SLC25A13: variants seen among roughly 807,000 people sequenced by gnomAD.
SLC25A13 encodes electrogenic aspartate/glutamate antiporter SLC25A13, mitochondrial.
A neutral mutation model predicts 85.5 loss-of-function variants in SLC25A13; 70 were observed. The ratio of observed to expected loss-of-function variants is 0.82; its 90% CI spans 0.68 to 1.00. The LOEUF (loss-of-function observed/expected upper bound fraction) is 1.00, where lower values mean the gene tolerates loss of function less well. Among genes scored for constraint, SLC25A13 ranks in the 50% least tolerant of loss-of-function variants. The pLI, the probability that SLC25A13 is intolerant of heterozygous loss-of-function variation, is 0.00. For missense variants in SLC25A13, 765 were observed against 819.8 expected (o/e 0.93, Z 0.82); for synonymous variants, 259 against 288.7 (o/e 0.90, Z 1.04).
At chr7:96,242,058 A>G (rs537322918) in intron 3 of SLC25A13, among the ~76,000 whole-genome samples, 1 of 152,364 alleles carries the variant, frequency 6.6e-6, no homozygotes, top group South Asian at 2.1e-4. Context: ...ATGTACCATC[A>G]AAATCCAATT....
intron 4 of SLC25A13, among the ~76,000 whole-genome samples, chr7:96,225,543 AAAGAAAGAAACC>A (rs1200701053): frequency 6.6e-6 from 1 of 151,768 alleles, no homozygotes; most frequent in East Asian, 1.9e-4. Context: ...GAAAAAAAAA[AAAGAAAGAAACC>A]AAGAAAGAAA....
Position 96,192,133 on chromosome 7 carries a change from AG to A in SLC25A13, c.616-887del, listed in dbSNP as rs141409232. Among the ~76,000 whole-genome samples, 573 of 152,204 alleles carry A rather than the reference AG, an allele frequency of 3.8e-3. 21 individuals are homozygous for A. The East Asian group carries it at 0.054, about 14-fold the overall frequency. On this transcript the variant is annotated intron_variant, in intron 6 of 17. Coordinates refer to ENST00000265631, the MANE Select transcript of SLC25A13 (RefSeq NM_014251.3). ...TAGATTAACACAGTGCCAGAATGGA[AG>A]AGGCCTCGTTGGAATACCATGTCTC...
At chr7:96,261,944 C>G (rs527249884) in intron 3 of SLC25A13, among the ~76,000 whole-genome samples, 1 of 152,176 alleles carries the variant, frequency 6.6e-6, no homozygotes, top group African/African-American at 2.4e-5. Flanking sequence ...AAAGAACCCA[C>G]TCCCACATAC....
chr7:96,234,148 G>C (rs1352135942), intron 4 of SLC25A13, among the ~76,000 whole-genome samples: 1 of 152,152 alleles, frequency 6.6e-6, no homozygotes, highest in African/African-American at 2.4e-5. Flanking sequence ...ACTTACCACT[G>C]TCCCACCACT....
intron 1 of SLC25A13, among the ~76,000 whole-genome samples, chr7:96,319,484 G>C (rs1173762710): frequency 7.0e-6 from 1 of 143,756 alleles, no homozygotes; most frequent in Admixed American, 7.2e-5. Context: ...AGAGGTTACA[G>C]TGAGGCAAGA....
chr7:96,157,462 CTT>C (rs1793327200), intron 13 of SLC25A13, among the ~76,000 whole-genome samples: 2 of 152,144 alleles, frequency 1.3e-5, no homozygotes, highest in Non-Finnish European at 2.9e-5. Context: ...ATTGTTGACA[CTT>C]CTGGTTTGGC....
chr7:96,187,411 T>C (rs1197564334), intron 9 of SLC25A13, among the ~76,000 whole-genome samples: 3 of 152,260 alleles, frequency 2.0e-5, no homozygotes, highest in Non-Finnish European at 4.4e-5. Flanking sequence ...AATATGCCTC[T>C]TTAAGATACA....
chr7:96,276,205 A>T (rs1027738034), intron 3 of SLC25A13, among the ~76,000 whole-genome samples: 8 of 152,226 alleles, frequency 5.3e-5, no homozygotes, highest in Admixed American at 1.3e-4. Context: ...GTTCTTGTAC[A>T]TTATACTTTG....
At chr7:96,210,763 T>C (rs548930347) in intron 4 of SLC25A13, among the ~76,000 whole-genome samples, 107 of 152,196 alleles carry the variant, frequency 7.0e-4, no homozygotes, top group Non-Finnish European at 1.4e-3. Context: ...ATGATAAAGA[T>C]GTGACCAAAA....
At chr7:96,232,753 A>G (rs987681469) in intron 4 of SLC25A13, among the ~76,000 whole-genome samples, 1 of 151,886 alleles carries the variant, frequency 6.6e-6, no homozygotes, top group Admixed American at 6.6e-5. Flanking sequence ...CCTTTTATGC[A>G]GTGAATCTTT....
At chr7:96,173,779 C>T (rs902607202) in intron 11 of SLC25A13, among the ~76,000 whole-genome samples, 3 of 152,106 alleles carry the variant, frequency 2.0e-5, no homozygotes, top group South Asian at 4.1e-4. Flanking sequence ...AGGGCCACAG[C>T]TGACTGGACA....
At chr7:96,317,805 A>G (rs546746685) in intron 1 of SLC25A13, among the ~76,000 whole-genome samples, 11 of 144,250 alleles carry the variant, frequency 7.6e-5, no homozygotes, top group African/African-American at 2.6e-4. Context: ...ATTTTACTTT[A>G]TTTTATTTTT....
chr7:96,243,858 G>A (rs4236532), intron 3 of SLC25A13, among the ~76,000 whole-genome samples: 149,773 of 152,244 alleles, frequency 0.98, 73,710 homozygotes, highest in Middle Eastern at 1. Context: ...GAGGATGAGG[G>A]AGGTGCCGGG....
At chr7:96,269,749 A>G (rs1299161388) in intron 3 of SLC25A13, among the ~76,000 whole-genome samples, 1 of 152,232 alleles carries the variant, frequency 6.6e-6, no homozygotes, top group Non-Finnish European at 1.5e-5. Context: ...AGAAAATGTG[A>G]TACATGCACA....
intron 3 of SLC25A13, among the ~76,000 whole-genome samples, chr7:96,271,046 T>G (rs559503641): frequency 6.6e-6 from 1 of 152,290 alleles, no homozygotes; most frequent in African/African-American, 2.4e-5. Context: ...CAGAGTAATA[T>G]CTTCATCTCA....
intron 4 of SLC25A13, among the ~76,000 whole-genome samples, chr7:96,225,357 C>A (rs1047201604): frequency 2.6e-5 from 4 of 151,980 alleles, no homozygotes; most frequent in Non-Finnish European, 5.9e-5. Context: ...TTAGTCTGGG[C>A]AACATAGTTA....
chr7:96,180,079 G>C (rs1397706830), intron 11 of SLC25A13, among the ~76,000 whole-genome samples: 1 of 152,080 alleles, frequency 6.6e-6, no homozygotes, highest in Non-Finnish European at 1.5e-5. Flanking sequence ...AACATTCCAG[G>C]ATGGAAGATG....
intron 3 of SLC25A13, among the ~76,000 whole-genome samples, chr7:96,264,042 C>A (rs1057060519): frequency 1.3e-5 from 2 of 152,118 alleles, no homozygotes; most frequent in Non-Finnish European, 2.9e-5. Context: ...TTGCTCCTTG[C>A]CCAGACTAAA....
intron 6 of SLC25A13, 127 bp downstream of exon 6, chr7:96,192,910 G>T: frequency 1.9e-6 from 2 of 1,040,418 alleles, no homozygotes; most frequent in Non-Finnish European, 2.9e-6. Context: ...GTTTAGTAAT[G>T]TATGTGATCA....
Sources: allele counts gnomAD v4.1 joint callset (sites outside exome capture counted in the v4.1 genomes callset), GRCh38; gene constraint gnomAD v4.1.1; transcripts MANE v1.5; gene names NCBI Gene and HGNC (gene_info 2026-07-23, HGNC 2026-07-21).